Variants in GPR101 observed in about 807,000 individuals in gnomAD.
GPR101 encodes G protein-coupled receptor 101, also known as probable G protein-coupled receptor 101.
A neutral mutation model predicts 16.4 loss-of-function variants in GPR101; 8 were observed. That is an observed-to-expected ratio of 0.49 (90% CI 0.29 to 0.88). GPR101 has a LOEUF of 0.88. Among genes scored for constraint, GPR101 ranks in the 40% least tolerant of loss-of-function variants. The probability of loss-of-function intolerance (pLI) is 0.09; values close to 1 mark genes in which losing one functional copy is unlikely to be tolerated. For missense variants in GPR101, 375 were observed against 411.7 expected (o/e 0.91, Z 0.77); for synonymous variants, 155 against 168.7 (o/e 0.92, Z 0.63).
At chrX:137,032,133 T>C (rs760892558) in intron 1 of GPR101, among the ~76,000 whole-genome samples, 1 of 111,418 alleles carries the variant, frequency 9.0e-6, no homozygotes, top group East Asian at 2.8e-4. Flanking sequence ...TGTCTCTCGC[T>C]AGCGCACTTT....
At position 137,031,386 on chromosome X, in the gene GPR101, A is replaced by G. The variant is rs1187237433; in HGVS notation, c.289T>C (p.Trp97Arg). The change falls in exon 2 of 2, where the codon TGG (tryptophan) becomes CGG (arginine). Residue 97 changes from tryptophan (W) to arginine (R), a missense_variant. Transcript: ENST00000651716. ...GTGCAGAAGTGGCTGTTGAGGGGCC[A>G]GAAGAGAGGCACAGAGGTGGCCACC... ...WVVATSVPLF[W>R]PLNSHFCTAL... 1 of 1,193,660 alleles carries G rather than the reference A, an allele frequency of 8.4e-7. No homozygotes were observed. The highest frequency in any genetic ancestry group is 1.9e-5 in the South Asian group (1 of 52,960).
chrX:137,027,066 C>G lies in GPR101; in HGVS notation c.*3082G>C, dbSNP rs1474844907. On this transcript the variant is annotated 3_prime_UTR_variant, in exon 2 of 2. Transcript: ENST00000651716. ...GCAGAGGCCTTCCAAGCAGCTGGTA[C>G]TTGTGGTGTCTCAGAGAAGTGGGAC... Among the ~76,000 whole-genome samples, 1 of 108,432 alleles carries G rather than the reference C, an allele frequency of 9.2e-6. No individual in the cohort carries two copies. Among genetic ancestry groups the G allele is most frequent in the Admixed American group, 1.0e-4 (1 of 9,901 alleles). 94.2% of individuals were successfully genotyped at this position (108,432 alleles called of 115,157 possible). A position where few individuals can be genotyped will look rare whatever the true frequency, so the allele number is the denominator to read the frequency against.
Position 137,030,473 on chromosome X carries a change from A to G in GPR101, c.1202T>C (p.Ile401Thr), listed in dbSNP as rs150331463. The G allele has an allele frequency of 1.2e-5, 15 of 1,211,287 alleles. No homozygotes were observed. The highest frequency in any genetic ancestry group is 1.6e-5 in the Non-Finnish European group (14 of 895,291). Residue 401 changes from isoleucine (I) to threonine (T), a missense_variant, in exon 2 of 2, where the codon ATC becomes ACC. Transcript: ENST00000651716. ...CACATAGGAGAAAATGATGATGAAG[A>G]TCACTTTAGCAGCTTTGCACTGGTA... ...RCYQCKAAKV[I>T]FIIIFSYVLS...
chrX:137,032,194 A>T, intron 1 of GPR101, among the ~76,000 whole-genome samples: 1 of 107,041 alleles, frequency 9.3e-6, no homozygotes, highest in African/African-American at 3.5e-5. Context: ...CCGTTTCCTG[A>T]TTCTTTCTCA....
Position 137,030,560 on chromosome X carries a change from A to T in GPR101, c.1115T>A (p.Ile372Asn), listed in dbSNP as rs201448395. ...ACGACTGGGTGGGAGGCTCTCCGGGATGTTCACTGCCTCGACGTCATCCTC... is the reference window on the plus strand; with the variant it reads ...ACGACTGGGTGGGAGGCTCTCCGGGTTGTTCACTGCCTCGACGTCATCCTC... ...FSEDDVEAVN[I>N]PESLPPSRRN... The change falls in exon 2 of 2, where the codon ATC becomes AAC. Residue 372 changes from isoleucine (I) to asparagine (N), a missense_variant. Ile to Asn is a moderately radical substitution (Grantham distance 149). Transcript: ENST00000651716. 22 of 1,208,857 alleles carry T rather than the reference A, an allele frequency of 1.8e-5. No individual in the cohort carries two copies. Among genetic ancestry groups the T allele is most frequent in the African/African-American group, 3.5e-5 (2 of 56,835 alleles).
Position 137,030,310 on chromosome X carries a change from G to T in GPR101, c.1365C>A (p.Gly455=). ...CCTTCTTAATGGTCTTGTGCATGTA[G>T]CCATAGACATAGGGGTGGATGCAGC... ...LQCCIHPYVY[G]YMHKTIKKEI... is the part of the protein sequence containing the mutation. Residue 455 remains glycine, a synonymous_variant, in exon 2 of 2, where the codon GGC becomes GGA. Coordinates refer to ENST00000651716, the MANE Select transcript of GPR101 (RefSeq NM_054021.2). The T allele has an allele frequency of 8.3e-7, 1 of 1,211,223 alleles. No individual in the cohort carries two copies. Among genetic ancestry groups the T allele is most frequent in the Middle Eastern group, 2.3e-4 (1 of 4,354 alleles).
chrX:137,026,260 A>G lies in GPR101; in HGVS notation c.*3888T>C, dbSNP rs1927166275. 8.9e-6 allele frequency among the ~76,000 whole-genome samples: 1 copy of G among 112,166 alleles called. No homozygotes were observed. Among genetic ancestry groups the G allele is most frequent in the South Asian group, 3.7e-4 (1 of 2,701 alleles). On this transcript the variant is annotated 3_prime_UTR_variant, in exon 2 of 2. Transcript: ENST00000651716. Reference sequence around the variant, plus strand: ...AGACATTATGAGGGGAAAACACGTTATTTTTTTCCTCAAAATATTGGGCAG... The same window carrying G: ...AGACATTATGAGGGGAAAACACGTTGTTTTTTTCCTCAAAATATTGGGCAG...
rs2148743003 is a variant in GPR101, at chrX:137,026,005, T to C, written c.*4143A>G. On this transcript the variant is annotated 3_prime_UTR_variant, in exon 2 of 2. Coordinates refer to ENST00000651716, the MANE Select transcript of GPR101 (RefSeq NM_054021.2). ...TCCTCATGCCTTAGCTTAGAGGGGCTTTGAGGGGCCGAGAGCACTAGTCCA... is the reference window on the plus strand; with the variant it reads ...TCCTCATGCCTTAGCTTAGAGGGGCCTTGAGGGGCCGAGAGCACTAGTCCA... Among the ~76,000 whole-genome samples the C allele has an allele frequency of 8.9e-6, 1 of 112,285 alleles. No homozygotes were observed. Among genetic ancestry groups the C allele is most frequent in the African/African-American group, 3.2e-5 (1 of 30,942 alleles).
At chrX:137,031,888 C>A (rs1927274974) in intron 1 of GPR101, among the ~76,000 whole-genome samples, 122 bp from the exon 2 acceptor site, 1 of 112,076 alleles carries the variant, frequency 8.9e-6, no homozygotes, top group Non-Finnish European at 1.9e-5. Context: ...ATCCCCAGTG[C>A]GGGCAGCTTC....
In GPR101 at chrX:137,024,948, A is replaced by T. The variant is rs1012687824; in HGVS notation, c.*5200T>A. Among the ~76,000 whole-genome samples, 1 of 111,592 alleles carries T rather than the reference A, an allele frequency of 9.0e-6. No homozygotes were observed. Among genetic ancestry groups the T allele is most frequent in the African/African-American group, 3.3e-5 (1 of 30,689 alleles). Reference sequence around the variant, plus strand: ...AGTCCTTCCTTTTTAATGGAGAAGGATGGTCTTCTTTGAGTTTGCATTCTA... The same window carrying T: ...AGTCCTTCCTTTTTAATGGAGAAGGTTGGTCTTCTTTGAGTTTGCATTCTA... On this transcript the variant is annotated 3_prime_UTR_variant, in exon 2 of 2. Transcript: ENST00000651716.
Position 137,029,512 on chromosome X carries a change from A to C in GPR101, c.*636T>G, listed in dbSNP as rs1927217074. On this transcript the variant is annotated 3_prime_UTR_variant, in exon 2 of 2. Coordinates refer to ENST00000651716, the MANE Select transcript of GPR101 (RefSeq NM_054021.2). ...TTCCCTTGGACTAGCTTCCCATTTC[A>C]TACATGTCCTTCTACTTTTCTGGAT... is the stretch of plus-strand genomic sequence containing the variant. 8.9e-6 allele frequency among the ~76,000 whole-genome samples: 1 copy of C among 112,332 alleles called. No individual in the cohort carries two copies. The highest frequency in any genetic ancestry group is 3.2e-5 in the African/African-American group (1 of 30,877).
In GPR101 at chrX:137,024,687, C is replaced by CTCTA. The variant is rs1465547099; in HGVS notation, c.*5457_*5460dup. Among the ~76,000 whole-genome samples, 1 of 110,720 alleles carries CTCTA rather than the reference C, an allele frequency of 9.0e-6. No homozygotes were observed. Among genetic ancestry groups the CTCTA allele is most frequent in the Non-Finnish European group, 1.9e-5 (1 of 52,954 alleles). ...ACCCCATAGAGGAGTCCCACTACCT[C>CTCTA]TCTATCTAGTTAGCCATCCATGCTG... On this transcript the variant is annotated 3_prime_UTR_variant, in exon 2 of 2. Transcript: ENST00000651716.
Position 137,029,556 on chromosome X carries a change from A to G in GPR101, c.*592T>C, listed in dbSNP as rs896423052. ...TCTGGATCCCTTTAGGGGATCTAGA[A>G]ACCTTCTTGAGATTCTAACTGTAGG... On this transcript the variant is annotated 3_prime_UTR_variant, in exon 2 of 2. Transcript: ENST00000651716. Among the ~76,000 whole-genome samples, 1 of 111,660 alleles carries G rather than the reference A, an allele frequency of 9.0e-6. No individual in the cohort carries two copies.
Position 137,030,191 on chromosome X carries a change from T to G in GPR101, c.1484A>C (p.Glu495Ala). 1 of 1,196,229 alleles carries G rather than the reference T, an allele frequency of 8.4e-7. No homozygotes were observed. The change falls in exon 2 of 2, where the codon GAA (glutamate) becomes GCA (alanine). Residue 495 changes from glutamate to alanine, a missense_variant. Transcript: ENST00000651716. ...PDLPGTEGGT[E>A]GKIVPSYDSA... ...ATCGTAGGAAGGGACAATCTTGCCT[T>G]CAGTCCCACCCTCTGTTCCGGGCAG...
In GPR101 at chrX:137,025,356, G is replaced by A. The variant is rs920205793; in HGVS notation, c.*4792C>T. Reference sequence around the variant, plus strand: ...CAAACACAATCTAATATCTAGCACCGTATCTCCAAGAACACTTACATTTTA... The same window carrying A: ...CAAACACAATCTAATATCTAGCACCATATCTCCAAGAACACTTACATTTTA... On this transcript the variant is annotated 3_prime_UTR_variant, in exon 2 of 2. Coordinates refer to ENST00000651716, the MANE Select transcript of GPR101 (RefSeq NM_054021.2). Among the ~76,000 whole-genome samples, 2 of 111,726 alleles carry A rather than the reference G, an allele frequency of 1.8e-5. No homozygotes were observed. Among genetic ancestry groups the A allele is most frequent in the Non-Finnish European group, 1.9e-5 (1 of 53,170 alleles).
chrX:137,031,949 G>T (rs1009231297), intron 1 of GPR101, among the ~76,000 whole-genome samples, 183 bp from the exon 2 acceptor site: 7 of 111,219 alleles, frequency 6.3e-5, no homozygotes, highest in African/African-American at 2.3e-4. Context: ...TCTCTCCAGG[G>T]CTCTGATTTC....
In GPR101 at chrX:137,031,153, G is replaced by C; in HGVS notation, c.522C>G (p.Ala174=). The stretch of plus-strand genomic sequence containing the variant: ...AGCAGAGAGCATTGCGCTCATCAAA[G>C]GCAGCCTGGCCCCAGCCGTAGAGTG... ...TPPLYGWGQA[A]FDERNALCSM... is the part of the protein sequence containing the mutation. Residue 174 remains alanine (A), a synonymous_variant, in exon 2 of 2, where the codon GCC becomes GCG. Coordinates refer to ENST00000651716, the MANE Select transcript of GPR101 (RefSeq NM_054021.2). The C allele has an allele frequency of 1.7e-6, 2 of 1,211,786 alleles. No individual in the cohort carries two copies. Among genetic ancestry groups the C allele is most frequent in the Non-Finnish European group, 2.2e-6 (2 of 895,462 alleles).
chrX:137,029,558 CCTT>C lies in GPR101; in HGVS notation c.*587_*589del, dbSNP rs368488120. Among the ~76,000 whole-genome samples the C allele has an allele frequency of 5.1e-3, 574 of 111,930 alleles. 3 individuals carry two copies. The highest frequency in any genetic ancestry group is 0.018 in the African/African-American group (542 of 30,784). On this transcript the variant is annotated 3_prime_UTR_variant, in exon 2 of 2. Coordinates refer to ENST00000651716, the MANE Select transcript of GPR101 (RefSeq NM_054021.2). The stretch of plus-strand genomic sequence containing the variant: ...TGGATCCCTTTAGGGGATCTAGAAA[CCTT>C]CTTGAGATTCTAACTGTAGGAGGCC...
rs1254516110 is a variant in GPR101, at chrX:137,024,954, T to G, written c.*5194A>C. ...TCCTTTTTAATGGAGAAGGATGGTC[T>G]TCTTTGAGTTTGCATTCTATATATT... On this transcript the variant is annotated 3_prime_UTR_variant, in exon 2 of 2. Coordinates refer to ENST00000651716, the MANE Select transcript of GPR101 (RefSeq NM_054021.2). Among the ~76,000 whole-genome samples the G allele has an allele frequency of 8.9e-6, 1 of 111,822 alleles. No individual in the cohort carries two copies. Among genetic ancestry groups the G allele is most frequent in the Non-Finnish European group, 1.9e-5 (1 of 53,135 alleles).
Sources: gnomAD v4.1 joint callset for allele counts (sites outside exome capture counted in the v4.1 genomes callset) on GRCh38, gnomAD v4.1.1 for gene constraint, MANE v1.5 for transcripts, NCBI Gene and HGNC (gene_info 2026-07-23, HGNC 2026-07-21) for gene names.